The following LPAR3 variants were observed in gnomAD, a reference collection of about 807,000 sequenced individuals.
The protein encoded by LPAR3 is LPA receptor 3.
Under a neutral mutation model 17.8 loss-of-function variants are expected in LPAR3, and 7 were observed. The ratio of observed to expected loss-of-function variants is 0.39; its 90% CI spans 0.22 to 0.74. The LOEUF (loss-of-function observed/expected upper bound fraction) is 0.74. Ranked by LOEUF, LPAR3 falls within the 30% of genes least tolerant of loss-of-function variation. The pLI is 0.40. For synonymous variants in LPAR3, 179 were observed against 179.9 expected, an observed-to-expected ratio of 0.99 and a Z score of 0.04; for missense variants, 391 against 453.4, an observed-to-expected ratio of 0.86 and a Z score of 1.25.
At chr1:84,863,977 C>T (rs564690144) in intron 2 of LPAR3, among the ~76,000 whole-genome samples, 2 of 152,100 alleles carry the variant, frequency 1.3e-5, no homozygotes, top group Admixed American at 6.5e-5. Context: ...TGTGGGAGGC[C>T]GAGGCAGGCG....
chr1:84,832,500 G>T (rs1433706284), intron 2 of LPAR3, among the ~76,000 whole-genome samples: 1 of 152,196 alleles, frequency 6.6e-6, no homozygotes, highest in Non-Finnish European at 1.5e-5. Context: ...ACAGGTTGAG[G>T]TAATTGAAGA....
intron 2 of LPAR3, among the ~76,000 whole-genome samples, chr1:84,842,915 A>G (rs1281791383): frequency 3.9e-5 from 6 of 152,226 alleles, no homozygotes; most frequent in Non-Finnish European, 8.8e-5. Flanking sequence ...ATGTTGAGAC[A>G]TGGAAGAATT....
rs1659943760 is a variant in LPAR3 at position 84,861,637 on chromosome 1, G to C, written c.736+3748C>G. ...AAAACCCAAATCTTTCTGTTATCTA[G>C]AGAAATCAGGAGCTGGAAGTCTTCA... On this transcript the variant is annotated intron_variant, in intron 2 of 2. Coordinates refer to ENST00000370611, the MANE Select transcript of LPAR3 (RefSeq NM_012152.3). 2.0e-5 allele frequency among the ~76,000 whole-genome samples: 3 copies of C among 152,156 alleles called. No individual in the cohort carries two copies. The South Asian group carries it at 6.2e-4, about 32-fold the overall frequency.
At chr1:84,824,129 T>C (rs905722997) in intron 2 of LPAR3, among the ~76,000 whole-genome samples, 1 of 152,162 alleles carries the variant, frequency 6.6e-6, no homozygotes, top group African/African-American at 2.4e-5. Flanking sequence ...GCATTGGGCA[T>C]TGCACAAGAA....
At chr1:84,834,738 T>C (rs770598313) in intron 2 of LPAR3, among the ~76,000 whole-genome samples, 3 of 152,164 alleles carry the variant, frequency 2.0e-5, no homozygotes, top group Non-Finnish European at 4.4e-5. Context: ...TCTCATAAAC[T>C]GTTTTTTGGT....
chr1:84,882,461 C>T (rs989251990), intron 1 of LPAR3, among the ~76,000 whole-genome samples: 1 of 152,150 alleles, frequency 6.6e-6, no homozygotes, highest in African/African-American at 2.4e-5. Context: ...ATCTGAATGG[C>T]ATTTTTTACA....
At chr1:84,854,739 C>T (rs1030787302) in intron 2 of LPAR3, among the ~76,000 whole-genome samples, 3 of 152,170 alleles carry the variant, frequency 2.0e-5, no homozygotes, top group African/African-American at 7.2e-5. Context: ...AAAATAGGTT[C>T]ACCACTGAGC....
At chr1:84,843,928 G>A (rs915365129) in intron 2 of LPAR3, among the ~76,000 whole-genome samples, 7 of 152,134 alleles carry the variant, frequency 4.6e-5, no homozygotes, top group African/African-American at 1.7e-4. Context: ...AGAAGTCCAT[G>A]ACCACCCAGT....
intron 2 of LPAR3, among the ~76,000 whole-genome samples, chr1:84,861,735 G>T (rs1426556206): frequency 1.3e-5 from 2 of 152,138 alleles, no homozygotes; most frequent in African/African-American, 4.8e-5. Flanking sequence ...AGGTTCCTCT[G>T]TCTTACCATT....
At chr1:84,853,980 C>T (rs1238363147) in intron 2 of LPAR3, among the ~76,000 whole-genome samples, 1 of 152,118 alleles carries the variant, frequency 6.6e-6, no homozygotes, top group African/African-American at 2.4e-5. Flanking sequence ...CCACAGGCAC[C>T]ACCCCTCCCT....
intron 2 of LPAR3, among the ~76,000 whole-genome samples, chr1:84,828,169 C>G (rs1434115991): frequency 6.6e-6 from 1 of 152,038 alleles, no homozygotes; most frequent in Non-Finnish European, 1.5e-5. Context: ...GCTAAGTGAG[C>G]GATGGACACA....
At chr1:84,832,193 C>G (rs540957856) in intron 2 of LPAR3, among the ~76,000 whole-genome samples, 5 of 152,176 alleles carry the variant, frequency 3.3e-5, no homozygotes, top group African/African-American at 1.2e-4. Context: ...AAAGGGCAGT[C>G]ACAGTTACAA....
In LPAR3 at chr1:84,866,123, T is replaced by G; in HGVS notation, c.-3A>C. On this transcript the variant is annotated 5_prime_UTR_variant, in exon 2 of 3. Coordinates refer to ENST00000370611, the MANE Select transcript of LPAR3 (RefSeq NM_012152.3). ...TTGTCATAGTGACACTCATTCATTG[T>G]GGAGAAGTGAACATCCTAGAAAGAA... The G allele has an allele frequency of 7.2e-7, 1 of 1,398,238 alleles. No homozygotes were observed. The highest frequency in any genetic ancestry group is 9.4e-7 in the Non-Finnish European group (1 of 1,062,442). The allele number at this position is 1,398,238 out of a possible 1,614,324, so 86.6% of individuals were successfully genotyped here.
At chr1:84,830,390 A>C (rs964691577) in intron 2 of LPAR3, among the ~76,000 whole-genome samples, 1 of 151,592 alleles carries the variant, frequency 6.6e-6, no homozygotes, top group Non-Finnish European at 1.5e-5. Context: ...TCCCTCATTC[A>C]TATTCTTCCT....
chr1:84,821,489 T>C (rs923826567), intron 2 of LPAR3, among the ~76,000 whole-genome samples: 1 of 152,228 alleles, frequency 6.6e-6, no homozygotes, highest in African/African-American at 2.4e-5. Context: ...CTAGAGGTAT[T>C]TGTGGAACTA....
At chr1:84,832,921 A>G in intron 2 of LPAR3, among the ~76,000 whole-genome samples, 1 of 152,256 alleles carries the variant, frequency 6.6e-6, no homozygotes, top group East Asian at 1.9e-4. Context: ...TACTTGTACT[A>G]TTTTAGTAGT....
chr1:84,865,780 G>C lies in LPAR3; in HGVS notation c.341C>G (p.Thr114Ser), dbSNP rs967307107. The C allele has an allele frequency of 1.5e-5, 24 of 1,614,110 alleles. No homozygotes were observed. The highest frequency in any genetic ancestry group is 1.9e-5 in the Non-Finnish European group (22 of 1,180,054). ...AACCAGCAAGTTGGTGAGGGAAGCA[G>C]TCAAGCTACTGTCCAGAAGCCCCTG... is the stretch of plus-strand genomic sequence containing the variant. ...LRQGLLDSSL[T>S]ASLTNLLVIA... The change falls in exon 2 of 3, where the codon ACT becomes AGT. Residue 114 changes from threonine (T) to serine (S), a missense_variant. Thr to Ser is a moderately conservative substitution (Grantham distance 58). Coordinates refer to ENST00000370611, the MANE Select transcript of LPAR3 (RefSeq NM_012152.3).
chr1:84,819,292 AC>A (rs1264292407), intron 2 of LPAR3, among the ~76,000 whole-genome samples: 1 of 152,244 alleles, frequency 6.6e-6, no homozygotes, highest in Non-Finnish European at 1.5e-5. Context: ...TATGGGAAAT[AC>A]AGATCACTGG....
chr1:84,822,028 G>A (rs951415218), intron 2 of LPAR3, among the ~76,000 whole-genome samples: 2 of 152,142 alleles, frequency 1.3e-5, no homozygotes, highest in Non-Finnish European at 1.5e-5. Flanking sequence ...GCTGATTTGG[G>A]AGTCATCAGC....
Sources: gnomAD v4.1 joint callset for allele counts (sites outside exome capture counted in the v4.1 genomes callset) on GRCh38, gnomAD v4.1.1 for gene constraint, MANE v1.5 for transcripts, NCBI Gene and HGNC (gene_info 2026-07-23, HGNC 2026-07-21) for gene names.